MBD6: variants seen among roughly 807,000 people sequenced by gnomAD.
MBD6 encodes methyl-CpG binding domain protein 6, also known as methyl-CpG-binding domain protein 6.
A neutral mutation model predicts 66.8 loss-of-function variants in MBD6; 22 were observed. That is an observed-to-expected ratio of 0.33 (90% CI 0.24 to 0.47). The LOEUF is 0.47. Among genes scored for constraint, MBD6 ranks in the 20% least tolerant of loss-of-function variants. The pLI is 1.00. For missense variants in MBD6, 1,322 were observed against 1,286.9 expected (o/e 1.03, Z -0.42); for synonymous variants, 540 against 534.6 (o/e 1.01, Z -0.14).
In MBD6 at chr12:57,530,011, C is replaced by G. The variant is rs953853244; in HGVS notation, c.*777C>G. ...GCCAGCATGACCAGCTGTCCAGGGG[C>G]TGCCTCCTGCCTTTTCTTTTGTAAA... On this transcript the variant is annotated 3_prime_UTR_variant, in exon 13 of 13. Transcript: ENST00000355673. 3 of 152,696 alleles carry G rather than the reference C, an allele frequency of 2.0e-5. No homozygotes were observed. Among genetic ancestry groups the G allele is most frequent in the African/African-American group, 7.2e-5 (3 of 41,458 alleles). 9.5% of individuals were successfully genotyped at this position (152,696 alleles called of 1,614,324 possible).
At chr12:57,529,033 G>C in intron 12 of MBD6, 24 bp downstream of exon 12, 1 of 1,614,024 alleles carries the variant, frequency 6.2e-7, no homozygotes, top group Non-Finnish European at 8.5e-7. Context: ...TGGGTGGATG[G>C]GTGGATGGGT....
At chr12:57,531,533 A>G (rs1879711028), downstream of MBD6, among the ~76,000 whole-genome samples, 2 of 152,088 alleles carry the variant, frequency 1.3e-5, no homozygotes, top group Admixed American at 1.3e-4. Flanking sequence ...AAAAAACAAT[A>G]AGAAATTGTG....
In MBD6 at chr12:57,526,165, TTC is replaced by T; in HGVS notation, c.1202_1203del (p.Leu401ProfsTer26). On this transcript the variant is annotated frameshift_variant, in exon 6 of 13. Transcript: ENST00000355673. LOFTEE classifies it high-confidence loss of function. Reference sequence around the variant, plus strand: ...CCCCTGCTCCTGTCCCCCAACCCTTTTCTCTCCCGGAGCCATCCCAACCAATT... The same window carrying T: ...CCCCTGCTCCTGTCCCCCAACCCTTTTCTCCCGGAGCCATCCCAACCAATT... ...RAPAPVPQPF[S>X]LPEPSQPILP... is the part of the protein sequence containing the mutation. The T allele has an allele frequency of 6.2e-7, 1 of 1,614,056 alleles. No individual in the cohort carries two copies. Among genetic ancestry groups the T allele is most frequent in the Non-Finnish European group, 8.5e-7 (1 of 1,179,978 alleles).
downstream of MBD6, chr12:57,530,613 G>C (rs536952636): frequency 7.7e-7 from 1 of 1,302,322 alleles, no homozygotes; most frequent in Non-Finnish European, 1.1e-6. Flanking sequence ...TTATAGTAAA[G>C]GGGAAACCCT....
chr12:57,523,520 T>C (rs1350237578), intron 1 of MBD6, among the ~76,000 whole-genome samples: 1 of 152,138 alleles, frequency 6.6e-6, no homozygotes, highest in Non-Finnish European at 1.5e-5. Context: ...TGAGCTGTGA[T>C]CCTCACCTCT....
rs144794136 is a variant in MBD6, at chr12:57,528,971, C to T, written c.2899C>T (p.Arg967Cys). Residue 967 changes from arginine to cysteine, a missense_variant, in exon 12 of 13, where the codon CGC becomes TGC. Physicochemically the swap from Arg to Cys is radical, Grantham distance 180. Transcript: ENST00000355673. ...YNPTRNSNSS[R>C]QDITLEPSPT... ...CCCTACCCGGAACAGCAATAGCTCC[C>T]GCCAGGACATTACCTTGGAACCCAG... The T allele has an allele frequency of 5.9e-4, 957 of 1,614,076 alleles. 5 individuals carry two copies. The highest frequency in any genetic ancestry group is 2.2e-3 in the South Asian group (204 of 91,072).
chr12:57,520,852 G>T (rs1878276307), upstream of MBD6: 1 of 167,906 alleles, frequency 6.0e-6, no homozygotes, highest in Admixed American at 6.4e-5. Flanking sequence ...ACGCGCACGC[G>T]CAGGGGACAC....
upstream of MBD6, chr12:57,522,789 G>C: frequency 6.3e-6 from 1 of 157,806 alleles, no homozygotes; most frequent in Non-Finnish European, 1.4e-5. Context: ...AGCAGCCTGC[G>C]CAGTGCCTTC....
At chr12:57,530,718 C>G, downstream of MBD6, 1 of 1,613,984 alleles carries the variant, frequency 6.2e-7, no homozygotes, top group East Asian at 2.2e-5. Context: ...ATCCGTTCAT[C>G]AATGCTGGCA....
At chr12:57,522,242 G>A (rs1027313604), upstream of MBD6, among the ~76,000 whole-genome samples, 4 of 152,314 alleles carry the variant, frequency 2.6e-5, no homozygotes, top group Middle Eastern at 6.8e-3. Flanking sequence ...AGTGTGGAGG[G>A]TGGACCAGAT....
Position 57,528,703 on chromosome 12 carries a change from G to T in MBD6, c.2858G>T (p.Arg953Leu), listed in dbSNP as rs1196615323. The change falls in exon 11 of 13, where the codon CGT (arginine) becomes CTT (leucine). Residue 953 changes from arginine (R) to leucine (L), a missense_variant. Arg to Leu is a moderately radical substitution (Grantham distance 102, BLOSUM62 -2). Coordinates refer to ENST00000355673, the MANE Select transcript of MBD6 (RefSeq NM_052897.4). ...GTAGTCAGAAAGTCTCGTCGTGGCCGTAGGAGAAAATACAAGTGAGTGTTG... is the reference window on the plus strand; with the variant it reads ...GTAGTCAGAAAGTCTCGTCGTGGCCTTAGGAGAAAATACAAGTGAGTGTTG... Reference protein sequence around the residue: ...PGVVRKSRRGRRRKYNPTRNS... With the variant: ...PGVVRKSRRGLRRKYNPTRNS... The T allele has an allele frequency of 1.2e-6, 2 of 1,614,080 alleles. No homozygotes were observed. The highest frequency in any genetic ancestry group is 3.3e-5 in the Admixed American group (2 of 60,002).
In MBD6 at chr12:57,526,283, C is replaced by G; in HGVS notation, c.1315C>G (p.Leu439Val). The change falls in exon 6 of 13, where the codon CTT (leucine) becomes GTT (valine). Residue 439 changes from leucine to valine, a missense_variant. By Grantham distance (32) the Leu-to-Val change is conservative. Transcript: ENST00000355673. ...SFNLLGSDAH[L>V]PPPPTLSSGS... is the part of the protein sequence containing the mutation. ...TAACCTTTTGGGGTCAGATGCACAC[C>G]TTCCTCCTCCCCCAACCCTCTCCTC... 6 of 1,613,976 alleles carry G rather than the reference C, an allele frequency of 3.7e-6. No homozygotes were observed. Among genetic ancestry groups the G allele is most frequent in the Non-Finnish European group, 5.1e-6 (6 of 1,179,996 alleles).
At chr12:57,526,526 A>G in intron 6 of MBD6, 40 bp from the exon 7 acceptor site, 1 of 1,512,990 alleles carries the variant, frequency 6.6e-7, no homozygotes, top group Non-Finnish European at 8.8e-7. Flanking sequence ...TGATGGGAGA[A>G]AGGGCCTCCC....
At chr12:57,521,403 C>A (rs1051463111), upstream of MBD6, among the ~76,000 whole-genome samples, 7 of 152,194 alleles carry the variant, frequency 4.6e-5, no homozygotes, top group African/African-American at 1.2e-4. Context: ...GCGGATGTTG[C>A]AGTGACCGAG....
chr12:57,522,531 G>T (rs1257473057), upstream of MBD6, among the ~76,000 whole-genome samples: 1 of 151,892 alleles, frequency 6.6e-6, no homozygotes, highest in South Asian at 2.1e-4. Context: ...CCAGTGGCCT[G>T]GGAAGAGGCG....
Position 57,524,348 on chromosome 12 carries a change from C to T in MBD6, c.45C>T (p.Gly15=). The part of the protein sequence containing the change: ...NESSGADRAG[G]PVATSVPIGW... ...GCAGTGGAGCAGACAGAGCTGGGGG[C>T]CCTGTGGCCACATCTGTCCCCATCG... is the stretch of plus-strand genomic sequence containing the variant. The change falls in exon 3 of 13, where the codon GGC becomes GGT. Residue 15 remains glycine (G), a synonymous_variant. Transcript: ENST00000355673. 1 of 1,594,116 alleles carries T rather than the reference C, an allele frequency of 6.3e-7. No individual in the cohort carries two copies. Among genetic ancestry groups the T allele is most frequent in the African/African-American group, 1.4e-5 (1 of 73,962 alleles).
At chr12:57,528,090 ATAG>A in intron 9 of MBD6, 54 bp from the exon 10 acceptor site, 1 of 1,537,158 alleles carries the variant, frequency 6.5e-7, no homozygotes, top group Non-Finnish European at 8.7e-7. Context: ...TTTCTGAGTT[ATAG>A]TAGAAGAGGG....
chr12:57,522,568 G>A (rs1594849802), upstream of MBD6, among the ~76,000 whole-genome samples: 1 of 149,514 alleles, frequency 6.7e-6, no homozygotes, highest in East Asian at 2.1e-4. Flanking sequence ...GGGCGGGGGG[G>A]CCGCGTGGGG....
downstream of MBD6, chr12:57,530,901 G>C: frequency 1.2e-6 from 1 of 812,706 alleles, no homozygotes; most frequent in Non-Finnish European, 2.1e-6. Flanking sequence ...ACAGAGGGGG[G>C]ATGTTTATAG....
Sources: gnomAD v4.1 joint callset for allele counts (sites outside exome capture counted in the v4.1 genomes callset) on GRCh38, gnomAD v4.1.1 for gene constraint, MANE v1.5 for transcripts, NCBI Gene and HGNC (gene_info 2026-07-23, HGNC 2026-07-21) for gene names.